DGKB: variants seen among roughly 807,000 people sequenced by gnomAD.
DGKB encodes 90 kDa diacylglycerol kinase.
Under a neutral mutation model 114.3 loss-of-function variants are expected in DGKB, and 67 were observed. That is an observed-to-expected ratio of 0.59 (90% CI 0.48 to 0.72). The LOEUF (loss-of-function observed/expected upper bound fraction) is 0.72. Ranked by LOEUF, DGKB falls within the 30% of genes least tolerant of loss-of-function variation. DGKB has a pLI of 0.00. For missense variants in DGKB, 907 were observed against 975.2 expected (o/e 0.93, Z 0.93); for synonymous variants, 398 against 323.1 (o/e 1.23, Z -2.49).
intron 1 of DGKB, among the ~76,000 whole-genome samples, chr7:14,883,545 T>C (rs899207695): frequency 1.3e-5 from 2 of 152,034 alleles, no homozygotes; most frequent in Admixed American, 1.3e-4. Context: ...GATAGAGATA[T>C]AGAGATGATA....
chr7:14,160,283 G>T (rs1783681589), intron 25 of DGKB, among the ~76,000 whole-genome samples: 1 of 152,124 alleles, frequency 6.6e-6, no homozygotes, highest in South Asian at 2.1e-4. Flanking sequence ...AGGAGAATCA[G>T]GCAAGAGAAA....
chr7:14,309,501 G>A (rs4141258), intron 23 of DGKB, among the ~76,000 whole-genome samples: 99,610 of 152,070 alleles, frequency 0.66, 33,698 homozygotes, highest in South Asian at 0.74. Context: ...AAGAATTCTG[G>A]TTTATTCCAT....
intron 21 of DGKB, among the ~76,000 whole-genome samples, chr7:14,404,327 A>G (rs1274594730): frequency 2.6e-5 from 4 of 151,770 alleles, no homozygotes; most frequent in African/African-American, 9.7e-5. Context: ...AAGAAATGTT[A>G]TCATGACCTT....
intron 13 of DGKB, among the ~76,000 whole-genome samples, chr7:14,639,612 G>T (rs1047436604): frequency 6.6e-6 from 1 of 152,184 alleles, no homozygotes; most frequent in African/African-American, 2.4e-5. Context: ...CTTGCCTTAA[G>T]TTAGGAACAA....
chr7:14,354,702 C>T (rs1036730992), intron 21 of DGKB, among the ~76,000 whole-genome samples: 1 of 152,104 alleles, frequency 6.6e-6, no homozygotes, highest in Non-Finnish European at 1.5e-5. Context: ...GCTGAAATTC[C>T]ATAGTTACCA....
intron 20 of DGKB, among the ~76,000 whole-genome samples, chr7:14,487,353 T>C (rs1783967915): frequency 1.3e-5 from 2 of 152,130 alleles, no homozygotes; most frequent in Admixed American, 1.3e-4. Flanking sequence ...ATAATGCTCA[T>C]AGGTTAGACT....
chr7:14,263,580 C>T (rs928785929), intron 23 of DGKB, among the ~76,000 whole-genome samples: 1 of 152,108 alleles, frequency 6.6e-6, no homozygotes, highest in Non-Finnish European at 1.5e-5. Flanking sequence ...CAGATATTAC[C>T]TTTTCCAAAA....
chr7:14,404,385 G>A (rs10228053), intron 21 of DGKB, among the ~76,000 whole-genome samples: 3 of 151,480 alleles, frequency 2.0e-5, no homozygotes, highest in African/African-American at 7.3e-5. Context: ...TCCAACTCTC[G>A]TGGGAGTCAA....
chr7:14,574,915 C>T (rs929223693), intron 19 of DGKB, among the ~76,000 whole-genome samples: 3 of 152,120 alleles, frequency 2.0e-5, no homozygotes, highest in African/African-American at 7.2e-5. Context: ...TCAGGGTGTC[C>T]CTTTTCTTTT....
chr7:14,475,700 T>G (rs78628645), intron 21 of DGKB, among the ~76,000 whole-genome samples: 10,825 of 152,132 alleles, frequency 0.071, 1,210 homozygotes, highest in African/African-American at 0.24. Context: ...TGACTCAAAT[T>G]TGCAAAGAAG....
intron 12 of DGKB, among the ~76,000 whole-genome samples, chr7:14,675,730 G>A (rs1401442276): frequency 2.6e-5 from 4 of 151,962 alleles, no homozygotes; most frequent in Non-Finnish European, 5.9e-5. Context: ...ACTATCATCT[G>A]TTAAACAGAG....
intron 20 of DGKB, among the ~76,000 whole-genome samples, chr7:14,514,832 C>T (rs716596): frequency 0.35 from 52,606 of 151,744 alleles, 9,745 homozygotes; most frequent in Admixed American, 0.46. Context: ...GACAGGAGGA[C>T]TGCTTGAGCC....
intron 23 of DGKB, among the ~76,000 whole-genome samples, chr7:14,326,658 C>A (rs1251173758): frequency 1.3e-5 from 2 of 152,092 alleles, no homozygotes; most frequent in Non-Finnish European, 2.9e-5. Context: ...CTTTCCTTTG[C>A]GGGAATGGCA....
chr7:14,744,984 C>G (rs1191890913), intron 4 of DGKB, among the ~76,000 whole-genome samples: 1 of 152,092 alleles, frequency 6.6e-6, no homozygotes, highest in Non-Finnish European at 1.5e-5. Flanking sequence ...CCTGCTAATC[C>G]TGACATCTGA....
chr7:14,264,699 G>T (rs1173975433), intron 23 of DGKB, among the ~76,000 whole-genome samples: 1 of 152,140 alleles, frequency 6.6e-6, no homozygotes, highest in Non-Finnish European at 1.5e-5. Flanking sequence ...AAGAAAGAGA[G>T]GTCAAGGTGT....
intron 1 of DGKB, among the ~76,000 whole-genome samples, chr7:14,918,914 T>A (rs1302783971): frequency 6.6e-6 from 1 of 151,806 alleles, no homozygotes; most frequent in Non-Finnish European, 1.5e-5. Context: ...ATACAAAAAA[T>A]TAGCCGGGCG....
intron 13 of DGKB, among the ~76,000 whole-genome samples, chr7:14,647,841 G>A (rs1813408040): frequency 6.6e-6 from 1 of 152,236 alleles, no homozygotes; most frequent in African/African-American, 2.4e-5. Flanking sequence ...GGAAGCGCAA[G>A]GGGTCAGGGA....
At chr7:14,206,856 C>T (rs1205488376) in intron 23 of DGKB, among the ~76,000 whole-genome samples, 1 of 151,800 alleles carries the variant, frequency 6.6e-6, no homozygotes, top group Non-Finnish European at 1.5e-5. Flanking sequence ...AGTGTGTGAG[C>T]CAATCTCTGA....
intron 20 of DGKB, among the ~76,000 whole-genome samples, chr7:14,572,077 C>A (rs953867387): frequency 2.6e-5 from 4 of 152,040 alleles, no homozygotes. Flanking sequence ...TCTGATGGGG[C>A]ACAGATATTT....
Sources: allele counts gnomAD v4.1 joint callset (sites outside exome capture counted in the v4.1 genomes callset), GRCh38; gene constraint gnomAD v4.1.1; transcripts MANE v1.5; gene names NCBI Gene and HGNC (gene_info 2026-07-23, HGNC 2026-07-21).